CREB5: variants seen among roughly 807,000 people sequenced by gnomAD.
CREB5 encodes the protein cAMP responsive element binding protein 5.
A neutral mutation model predicts 57.1 loss-of-function variants in CREB5; 19 were observed. The ratio of observed to expected loss-of-function variants is 0.33; its 90% confidence interval spans 0.23 to 0.49. The LOEUF (loss-of-function observed/expected upper bound fraction) is 0.49, where lower values mean the gene tolerates loss of function less well. Ranked by LOEUF, CREB5 falls within the 20% of genes least tolerant of loss-of-function variation. CREB5 has a pLI of 0.99. For missense variants in CREB5, 579 were observed against 671.6 expected, an observed-to-expected ratio of 0.86 and a Z score of 1.52; for synonymous variants, 238 against 238.3, an observed-to-expected ratio of 1.00 and a Z score of 0.01.
chr7:28,397,434 C>T (rs745843428), intron 1 of CREB5, among the ~76,000 whole-genome samples: 1 of 152,156 alleles, frequency 6.6e-6, no homozygotes, highest in East Asian at 1.9e-4. Flanking sequence ...TGGGTTAGAG[C>T]CAGCCTCTGG....
At chr7:28,767,740 G>A (rs1178981721) in intron 7 of CREB5, among the ~76,000 whole-genome samples, 3 of 152,246 alleles carry the variant, frequency 2.0e-5, no homozygotes, top group South Asian at 2.1e-4. Context: ...AAGTTGCATC[G>A]CATCTGTATC....
intron 5 of CREB5, among the ~76,000 whole-genome samples, chr7:28,716,544 C>G (rs567469654): frequency 6.6e-6 from 1 of 152,154 alleles, no homozygotes; most frequent in East Asian, 1.9e-4. Context: ...ATGTTGGGGT[C>G]CTCTCAGTGA....
At chr7:28,575,150 AAAAC>A (rs1795858130) in intron 5 of CREB5, among the ~76,000 whole-genome samples, 1 of 152,220 alleles carries the variant, frequency 6.6e-6, no homozygotes, top group South Asian at 2.1e-4. Context: ...ATGGCTGAGG[AAAAC>A]AAACAAGCAA....
At chr7:28,546,399 A>G (rs1172490318) in intron 4 of CREB5, among the ~76,000 whole-genome samples, 1 of 152,212 alleles carries the variant, frequency 6.6e-6, no homozygotes, top group African/African-American at 2.4e-5. Flanking sequence ...TCTCTTGGGA[A>G]TAAACTTAGG....
At chr7:28,615,684 C>G (rs1334648231) in intron 5 of CREB5, 1 of 152,270 alleles carries the variant, frequency 6.6e-6, no homozygotes, top group Non-Finnish European at 1.5e-5. Context: ...TTTTAGACTC[C>G]TCAATGGGCA....
At chr7:28,802,078 G>GAAAAAAAAAAAAA (rs35658848) in intron 7 of CREB5, among the ~76,000 whole-genome samples, 1 of 26,638 alleles carries the variant, frequency 3.8e-5, no homozygotes, top group Non-Finnish European at 6.5e-5. Context: ...GACTCCATCT[G>GAAAAAAAAAAAAA]AAAAAAAAAA....
At chr7:28,624,384 T>G (rs1797919972) in intron 5 of CREB5, among the ~76,000 whole-genome samples, 1 of 152,208 alleles carries the variant, frequency 6.6e-6, no homozygotes, top group African/African-American at 2.4e-5. Flanking sequence ...TTAATTGCCC[T>G]TTGGTTTGGC....
intron 7 of CREB5, among the ~76,000 whole-genome samples, chr7:28,793,441 A>G (rs560036004): frequency 6.0e-4 from 92 of 152,338 alleles, no homozygotes; most frequent in Non-Finnish European, 1.1e-3. Context: ...CAGAGGCCCA[A>G]TGGTACACAT....
Position 28,658,957 on chromosome 7 carries a change from A to ATATATATATATATATATATGTGTG in CREB5, c.465-59777_465-59776insGTGTGTATATATATATATATATAT, listed in dbSNP as rs1297878960. ...AAATATTATATGTGTGTGTGTGTAT[A>ATATATATATATATATATATGTGTG]TATATATATATATATATATATATGT... is the stretch of plus-strand genomic sequence containing the variant. On this transcript the variant is annotated intron_variant, in intron 5 of 10. Transcript: ENST00000357727. Among the ~76,000 whole-genome samples the ATATATATATATATATATATGTGTG allele has an allele frequency of 6.5e-4, 73 of 111,790 alleles. 7 individuals are homozygous for ATATATATATATATATATATGTGTG. The highest frequency in any genetic ancestry group is 9.3e-3 in the Middle Eastern group (2 of 216). The allele number at this position is 111,790 out of a possible 152,430, so 73.3% of individuals were successfully genotyped here. A position where few individuals can be genotyped will look rare whatever the true frequency, so the allele number is the denominator to read the frequency against.
intron 1 of CREB5, among the ~76,000 whole-genome samples, chr7:28,445,495 G>A (rs1789398440): frequency 6.6e-6 from 1 of 151,774 alleles, no homozygotes; most frequent in African/African-American, 2.4e-5. Context: ...TTGGACCTTG[G>A]AGCAGGGTTT....
intron 1 of CREB5, among the ~76,000 whole-genome samples, chr7:28,475,094 CT>C (rs1325782863): frequency 6.6e-6 from 1 of 152,094 alleles, no homozygotes; most frequent in Non-Finnish European, 1.5e-5. Context: ...GATTATTCAT[CT>C]TTAACTCCCC....
At chr7:28,343,229 T>C (rs1785971843) in intron 1 of CREB5, among the ~76,000 whole-genome samples, 1 of 152,236 alleles carries the variant, frequency 6.6e-6, no homozygotes, top group Non-Finnish European at 1.5e-5. Flanking sequence ...CATGAGCCAC[T>C]GCGCCTGGCC....
chr7:28,697,897 T>G (rs1801656261), intron 5 of CREB5, among the ~76,000 whole-genome samples: 1 of 152,228 alleles, frequency 6.6e-6, no homozygotes, highest in Non-Finnish European at 1.5e-5. Context: ...GTTCTTGATT[T>G]TTAACACAGC....
chr7:28,774,864 A>G (rs1214234959), intron 7 of CREB5, among the ~76,000 whole-genome samples: 1 of 152,240 alleles, frequency 6.6e-6, no homozygotes, highest in Non-Finnish European at 1.5e-5. Context: ...AGACTTCAGC[A>G]AACTGTTTAC....
intron 7 of CREB5, among the ~76,000 whole-genome samples, chr7:28,749,099 G>A (rs983340300): frequency 6.6e-6 from 1 of 152,204 alleles, no homozygotes; most frequent in African/African-American, 2.4e-5. Flanking sequence ...CTCCTAAGGT[G>A]TATGCTCCAA....
At chr7:28,609,896 A>G (rs1797318884) in intron 5 of CREB5, among the ~76,000 whole-genome samples, 1 of 152,208 alleles carries the variant, frequency 6.6e-6, no homozygotes, top group Non-Finnish European at 1.5e-5. Context: ...CAGGCCACAG[A>G]TTGTGTGAGT....
At chr7:28,653,479 T>G (rs2128707897) in intron 5 of CREB5, among the ~76,000 whole-genome samples, 1 of 152,330 alleles carries the variant, frequency 6.6e-6, no homozygotes, top group Middle Eastern at 3.4e-3. Context: ...GAAGTAGCTA[T>G]TTCCATGCTA....
rs985696957 is a variant in CREB5 at position 28,431,398 on chromosome 7, A to G, written c.3+18481A>G. Among the ~76,000 whole-genome samples the G allele has an allele frequency of 1.8e-4, 28 of 152,164 alleles. 1 individual carries two copies. The highest frequency in any genetic ancestry group is 4.4e-5 in the Non-Finnish European group (3 of 68,030). On this transcript the variant is annotated intron_variant, in intron 1 of 10. Transcript: ENST00000357727. Reference sequence around the variant, plus strand: ...GAAAGAAATAAAAGAAGTAAGCACCATTGTTCCCCCAAGACAGTTAAGATA... The same window carrying G: ...GAAAGAAATAAAAGAAGTAAGCACCGTTGTTCCCCCAAGACAGTTAAGATA...
chr7:28,403,918 A>G (rs1161770850), intron 1 of CREB5, among the ~76,000 whole-genome samples: 1 of 152,234 alleles, frequency 6.6e-6, no homozygotes, highest in East Asian at 1.9e-4. Context: ...ATGTTACATT[A>G]TTAGCATTAA....
Sources: gnomAD v4.1 joint callset for allele counts (sites outside exome capture counted in the v4.1 genomes callset) on GRCh38, gnomAD v4.1.1 for gene constraint, MANE v1.5 for transcripts, NCBI Gene and HGNC (gene_info 2026-07-23, HGNC 2026-07-21) for gene names.